Variants in KCNT2 observed in about 807,000 individuals in gnomAD.
The protein encoded by KCNT2 is potassium sodium-activated channel subfamily T member 2.
A neutral mutation model predicts 153.8 loss-of-function variants in KCNT2; 67 were observed. That is an observed-to-expected ratio of 0.44 (90% CI 0.36 to 0.53). The LOEUF is 0.53. Ranked by LOEUF, KCNT2 falls within the 20% of genes least tolerant of loss-of-function variation. The pLI is 0.00. For missense variants in KCNT2, 975 were observed against 1,354.8 expected, an observed-to-expected ratio of 0.72 and a Z score of 4.40; for synonymous variants, 500 against 458.8, an observed-to-expected ratio of 1.09 and a Z score of -1.15.
intron 5 of KCNT2, among the ~76,000 whole-genome samples, chr1:196,470,619 G>C (rs1678007451): frequency 6.6e-6 from 1 of 152,138 alleles, no homozygotes; most frequent in Non-Finnish European, 1.5e-5. Context: ...GCCAGAGCTT[G>C]TGTCTGCCAT....
chr1:196,232,045 A>G (rs1014267564), intron 27 of KCNT2, among the ~76,000 whole-genome samples: 2 of 151,832 alleles, frequency 1.3e-5, no homozygotes, highest in Non-Finnish European at 2.9e-5. Context: ...GGAAAAATTC[A>G]CAAAATATAC....
intron 26 of KCNT2, among the ~76,000 whole-genome samples, chr1:196,238,602 G>A (rs993501502): frequency 2.0e-5 from 3 of 151,614 alleles, no homozygotes; most frequent in Non-Finnish European, 2.9e-5. Context: ...TTTCTTTCAC[G>A]TGTGCCTTCC....
Position 196,258,364 on chromosome 1 carries a change from C to T in KCNT2, c.3041G>A (p.Ser1014Asn), listed in dbSNP as rs959054280. The part of the protein sequence containing the change: ...QSDHPLLRRK[S>N]MQWARRLSRK... ...GCTCAGTCTTCGGGCCCACTGCATG[C>T]TTTTTCTCCGCAGCAAGGGATGGTC... is the stretch of plus-strand genomic sequence containing the variant. Residue 1014 changes from serine to asparagine, a missense_variant, in exon 26 of 28, where the codon AGC becomes AAC. Around this residue, in one of 6 missense-constraint regions of KCNT2, gnomAD observed 241 missense variants for 271.1 expected, o/e 0.89. Coordinates refer to ENST00000294725, the MANE Select transcript of KCNT2 (RefSeq NM_198503.5). 3 of 1,613,934 alleles carry T rather than the reference C, an allele frequency of 1.9e-6. No homozygotes were observed. Among genetic ancestry groups the T allele is most frequent in the Non-Finnish European group, 2.5e-6 (3 of 1,179,952 alleles).
intron 1 of KCNT2, among the ~76,000 whole-genome samples, chr1:196,499,446 T>G (rs1038213315): frequency 2.0e-5 from 3 of 152,256 alleles, no homozygotes; most frequent in Non-Finnish European, 2.9e-5. Context: ...GCATCCCACA[T>G]ATTAGTTAGG....
At chr1:196,366,410 C>T (rs775578114) in intron 14 of KCNT2, among the ~76,000 whole-genome samples, 14 of 152,024 alleles carry the variant, frequency 9.2e-5, no homozygotes, top group South Asian at 2.1e-4. Flanking sequence ...CTGCCTGCCT[C>T]GGCCTCCCAA....
chr1:196,552,784 T>C (rs745660762), intron 1 of KCNT2, among the ~76,000 whole-genome samples: 10 of 151,356 alleles, frequency 6.6e-5, no homozygotes, highest in Non-Finnish European at 1.2e-4. Flanking sequence ...ATAGTTAAAG[T>C]GTAGAGTTTT....
intron 8 of KCNT2, among the ~76,000 whole-genome samples, chr1:196,452,511 T>C (rs1403201317): frequency 6.6e-6 from 1 of 151,900 alleles, no homozygotes; most frequent in Non-Finnish European, 1.5e-5. Context: ...GTACAGGCAA[T>C]CTTGTATATG....
At chr1:196,467,226 A>C (rs2148664721) in intron 7 of KCNT2, among the ~76,000 whole-genome samples, 1 of 152,210 alleles carries the variant, frequency 6.6e-6, no homozygotes, top group South Asian at 2.1e-4. Context: ...AAGTGGTTGA[A>C]CCAGTCCAAA....
intron 26 of KCNT2, among the ~76,000 whole-genome samples, chr1:196,238,248 G>A (rs1052804617): frequency 1.8e-4 from 27 of 151,914 alleles, no homozygotes; most frequent in African/African-American, 6.3e-4. Context: ...CGGTGACCTG[G>A]CTTGCCTGTT....
At position 196,236,042 on chromosome 1, in the gene KCNT2, G is replaced by GA; in HGVS notation, c.3239dup (p.Ser1081LeufsTer6). On this transcript the variant is annotated frameshift_variant, in exon 27 of 28. Coordinates refer to ENST00000294725, the MANE Select transcript of KCNT2 (RefSeq NM_198503.5). LOFTEE classifies it high-confidence loss of function. Reference sequence around the variant, plus strand: ...GAGATGGGTTAATCAGGATGTAGGAGAGGGTACTTTGATGATCATTCATTT... The same window carrying GA: ...GAGATGGGTTAATCAGGATGTAGGAGAAGGGTACTTTGATGATCATTCATTT... 1 of 1,601,462 alleles carries GA rather than the reference G, an allele frequency of 6.2e-7. No homozygotes were observed. Among genetic ancestry groups the GA allele is most frequent in the Non-Finnish European group, 8.6e-7 (1 of 1,169,530 alleles).
At chr1:196,325,966 A>T (rs983504916) in intron 19 of KCNT2, among the ~76,000 whole-genome samples, 2 of 152,142 alleles carry the variant, frequency 1.3e-5, no homozygotes, top group Non-Finnish European at 2.9e-5. Context: ...GTAATAGTTC[A>T]TCTTGACATT....
At chr1:196,244,482 G>C (rs570567518) in intron 26 of KCNT2, among the ~76,000 whole-genome samples, 1 of 152,176 alleles carries the variant, frequency 6.6e-6, no homozygotes, top group South Asian at 2.1e-4. Context: ...CCTGAGGAGA[G>C]AGTTTCCTGC....
chr1:196,301,627 A>T, intron 22 of KCNT2, among the ~76,000 whole-genome samples: 1 of 152,236 alleles, frequency 6.6e-6, no homozygotes, highest in East Asian at 1.9e-4. Context: ...ACAGTTTAAC[A>T]TTCCACACCT....
At chr1:196,411,772 A>G (rs929464136) in intron 12 of KCNT2, among the ~76,000 whole-genome samples, 3 of 151,810 alleles carry the variant, frequency 2.0e-5, no homozygotes, top group African/African-American at 7.2e-5. Flanking sequence ...TTCTACATAA[A>G]ATAGTTCTCC....
chr1:196,423,074 A>G lies in KCNT2; in HGVS notation c.1161T>C (p.Arg387=), dbSNP rs765362078. 47 of 1,604,464 alleles carry G rather than the reference A, an allele frequency of 2.9e-5. No homozygotes were observed. Among genetic ancestry groups the G allele is most frequent in the Admixed American group, 5.1e-5 (3 of 59,276 alleles). Residue 387 remains arginine (R), a synonymous_variant, in exon 12 of 28, where the codon CGT becomes CGC. Coordinates refer to ENST00000294725, the MANE Select transcript of KCNT2 (RefSeq NM_198503.5). The part of the protein sequence containing the change: ...DAEACFILSS[R]CEVDRTSSDH... ...CAGATGATGTCCTATCCACTTCACA[A>G]CGGCTACTGAGAATAAAACAGGCCT...
At chr1:196,581,250 A>T (rs1212408079) in intron 1 of KCNT2, among the ~76,000 whole-genome samples, 2 of 152,198 alleles carry the variant, frequency 1.3e-5, no homozygotes, top group African/African-American at 4.8e-5. Context: ...TTTTATTGTC[A>T]TAGAAAAATT....
At chr1:196,525,261 C>T (rs948186539) in intron 1 of KCNT2, among the ~76,000 whole-genome samples, 1 of 152,108 alleles carries the variant, frequency 6.6e-6, no homozygotes, top group African/African-American at 2.4e-5. Context: ...CAGCAAATTC[C>T]CAGATGGAGT....
intron 12 of KCNT2, among the ~76,000 whole-genome samples, chr1:196,422,467 A>G (rs932513478): frequency 6.6e-5 from 10 of 151,962 alleles, no homozygotes; most frequent in African/African-American, 2.4e-4. Flanking sequence ...AATTTTAAAT[A>G]TAATTTATAC....
intron 13 of KCNT2, among the ~76,000 whole-genome samples, chr1:196,376,422 T>C (rs1668973323): frequency 1.3e-5 from 2 of 151,946 alleles, no homozygotes; most frequent in Admixed American, 6.6e-5. Context: ...AAGGGTTAAA[T>C]AGCTTCATGG....
Sources: gnomAD v4.1 joint callset for allele counts (sites outside exome capture counted in the v4.1 genomes callset) on GRCh38, gnomAD v4.1.1 for gene constraint, gnomAD v4.1.1 regional missense constraint, MANE v1.5 for transcripts, NCBI Gene and HGNC (gene_info 2026-07-23, HGNC 2026-07-21) for gene names.